The following ASIC2 variants were observed in gnomAD, a reference collection of about 807,000 sequenced individuals.
ASIC2 encodes acid sensing ion channel subunit 2.
In ASIC2, 25 loss-of-function variants were observed where a neutral mutation model predicts 57.3. The ratio of observed to expected loss-of-function variants is 0.44; its 90% CI spans 0.32 to 0.61. The LOEUF (loss-of-function observed/expected upper bound fraction) is 0.61, where lower values mean the gene tolerates loss of function less well. Ranked by LOEUF, ASIC2 falls within the 20% of genes least tolerant of loss-of-function variation. The pLI is 0.06. For missense variants in ASIC2, 641 were observed against 738.1 expected, an observed-to-expected ratio of 0.87 and a Z score of 1.52; for synonymous variants, 319 against 307.5, an observed-to-expected ratio of 1.04 and a Z score of -0.39.
At chr17:33,514,409 G>A (rs148201177) in intron 1 of ASIC2, among the ~76,000 whole-genome samples, 5 of 152,134 alleles carry the variant, frequency 3.3e-5, no homozygotes, top group African/African-American at 4.8e-5. Flanking sequence ...ACCTCATCGC[G>A]GTCCTTGCCT....
chr17:33,500,061 G>A (rs898886914), intron 1 of ASIC2, among the ~76,000 whole-genome samples: 1 of 151,862 alleles, frequency 6.6e-6, no homozygotes, highest in Non-Finnish European at 1.5e-5. Flanking sequence ...AAAAGAAAAC[G>A]GGGAAAAGGA....
At chr17:33,574,611 A>G (rs923503770) in intron 1 of ASIC2, among the ~76,000 whole-genome samples, 14 of 152,220 alleles carry the variant, frequency 9.2e-5, no homozygotes, top group Admixed American at 6.5e-5. Context: ...GCATTGCCAA[A>G]TGTCCCCTGG....
At chr17:33,464,488 CTT>C in intron 1 of ASIC2, among the ~76,000 whole-genome samples, 2 of 35,898 alleles carry the variant, frequency 5.6e-5, no homozygotes, top group Middle Eastern at 9.1e-3. Context: ...TTCTCTCTTT[CTT>C]TCTTTCTTTC....
intron 1 of ASIC2, among the ~76,000 whole-genome samples, chr17:33,414,398 A>C (rs959419390): frequency 6.6e-6 from 1 of 152,150 alleles, no homozygotes; most frequent in Non-Finnish European, 1.5e-5. Flanking sequence ...GGTAATGCCC[A>C]TTGGCCAGGG....
At chr17:33,107,882 G>C (rs551234165) in intron 2 of ASIC2, among the ~76,000 whole-genome samples, 2 of 152,222 alleles carry the variant, frequency 1.3e-5, no homozygotes, top group Non-Finnish European at 2.9e-5. Flanking sequence ...CAAGGCAAAA[G>C]TGTTCCAGAG....
intron 1 of ASIC2, among the ~76,000 whole-genome samples, chr17:33,879,861 C>G (rs893556798): frequency 6.6e-6 from 1 of 152,206 alleles, no homozygotes; most frequent in African/African-American, 2.4e-5. Context: ...GGAAGTAAAG[C>G]TCTCCTCAGA....
intron 1 of ASIC2, among the ~76,000 whole-genome samples, chr17:34,110,027 G>A (rs944116688): frequency 1.3e-5 from 2 of 151,974 alleles, no homozygotes; most frequent in Non-Finnish European, 2.9e-5. Flanking sequence ...TCTAAAATTC[G>A]TATTTTGGCT....
intron 1 of ASIC2, among the ~76,000 whole-genome samples, chr17:33,873,143 A>G (rs1171424627): frequency 6.6e-6 from 1 of 151,940 alleles, no homozygotes; most frequent in Admixed American, 6.6e-5. Flanking sequence ...CTCTAAATAA[A>G]CTCTTTGCTC....
intron 1 of ASIC2, among the ~76,000 whole-genome samples, chr17:33,814,298 G>A (rs1378776138): frequency 6.6e-6 from 1 of 152,128 alleles, no homozygotes. Context: ...GCTACTTCCC[G>A]GCATGACTGA....
At chr17:33,560,799 C>T (rs944973506) in intron 1 of ASIC2, among the ~76,000 whole-genome samples, 6 of 152,048 alleles carry the variant, frequency 3.9e-5, no homozygotes, top group South Asian at 2.1e-4. Flanking sequence ...TAACTCCATA[C>T]GTTAGGATCT....
intron 1 of ASIC2, among the ~76,000 whole-genome samples, chr17:33,916,630 C>A (rs1443415846): frequency 1.3e-5 from 2 of 152,184 alleles, no homozygotes; most frequent in East Asian, 3.8e-4. Flanking sequence ...AATCAAGACT[C>A]TCTTCTTAGT....
chr17:33,052,038 C>A (rs60187510), intron 3 of ASIC2: 1 of 152,300 alleles, frequency 6.6e-6, no homozygotes, highest in African/African-American at 2.4e-5. Context: ...TTATGGAAAG[C>A]CAGTGCTGGG....
chr17:33,116,998 C>T (rs2092283798), intron 1 of ASIC2, among the ~76,000 whole-genome samples: 1 of 151,682 alleles, frequency 6.6e-6, no homozygotes, highest in Non-Finnish European at 1.5e-5. Flanking sequence ...TACAGGTGCT[C>T]ACCACCATGT....
chr17:33,332,288 C>T (rs977637825), intron 1 of ASIC2, among the ~76,000 whole-genome samples: 2 of 152,138 alleles, frequency 1.3e-5, no homozygotes, highest in East Asian at 1.9e-4. Context: ...TCTAGTAACC[C>T]TATTTTTAAA....
At chr17:33,591,914 T>C (rs1282702289) in intron 1 of ASIC2, among the ~76,000 whole-genome samples, 1 of 152,180 alleles carries the variant, frequency 6.6e-6, no homozygotes, top group Non-Finnish European at 1.5e-5. Flanking sequence ...TCAGGGTCTG[T>C]TCCTAGAGAA....
In ASIC2 at chr17:33,292,079, CG is replaced by C; in HGVS notation, c.36del (p.Ala13ArgfsTer49). The C allele has an allele frequency of 9.4e-7, 1 of 1,060,116 alleles. No individual in the cohort carries two copies. The highest frequency in any genetic ancestry group is 4.5e-5 in the South Asian group (1 of 22,470). The allele number at this position is 1,060,116 out of a possible 1,614,324, so 65.7% of individuals were successfully genotyped here. A position where few individuals can be genotyped will look rare whatever the true frequency, so the allele number is the denominator to read the frequency against. On this transcript the variant is annotated frameshift_variant, in exon 1 of 10. Transcript: ENST00000225823. LOFTEE classifies it high-confidence loss of function. ...CGGAAGCGTCCCGGGCCGGTGAGCG[CG>C]GCTGCGGGCAGCCCGGCTCCGCCAA... ...SRIGGAGLPA[A>X]ALTGPGRFRM...
intron 1 of ASIC2, among the ~76,000 whole-genome samples, chr17:34,133,240 T>C (rs1478906886): frequency 1.3e-5 from 2 of 151,756 alleles, no homozygotes; most frequent in African/African-American, 4.8e-5. Flanking sequence ...TTCTTTGCCT[T>C]CAAGCGTCTT....
chr17:33,917,623 A>G (rs187037517), intron 1 of ASIC2, among the ~76,000 whole-genome samples: 2 of 152,286 alleles, frequency 1.3e-5, no homozygotes, highest in African/African-American at 4.8e-5. Flanking sequence ...ATCTATTCTC[A>G]TGAATGAGTC....
At position 33,788,878 on chromosome 17, in the gene ASIC2, A is replaced by G. The variant is rs117997187; in HGVS notation, c.555+367100T>C. On this transcript the variant is annotated intron_variant, in intron 1 of 9. Coordinates refer to the ASIC2 transcript ENST00000359872. ...AGAACGCATAGATGTAGAGAGGGGA[A>G]CAACACACACCAGGGCCTGTTGGGG... Among the ~76,000 whole-genome samples the G allele has an allele frequency of 2.6e-3, 396 of 152,300 alleles. 3 individuals carry two copies. The highest frequency in any genetic ancestry group is 4.5e-3 in the Non-Finnish European group (304 of 68,026).
Sources: allele counts gnomAD v4.1 joint callset (sites outside exome capture counted in the v4.1 genomes callset), GRCh38; gene constraint gnomAD v4.1.1; transcripts MANE v1.5; gene names NCBI Gene and HGNC (gene_info 2026-07-23, HGNC 2026-07-21).